Variants in ME1 observed in about 807,000 individuals in gnomAD.
ME1 encodes the protein malic enzyme 1.
In ME1, 74 loss-of-function variants were observed where a neutral mutation model predicts 66.4. That is an observed-to-expected ratio of 1.11 (90% CI 0.92 to 1.35). ME1 has a LOEUF of 1.35. Ranked by LOEUF, ME1 falls within the 40% of genes most tolerant of loss-of-function variation. ME1 has a pLI of 0.00. For missense variants in ME1, 750 were observed against 694.1 expected (o/e 1.08, Z -0.90); for synonymous variants, 251 against 235.6 (o/e 1.07, Z -0.60).
intron 4 of ME1, among the ~76,000 whole-genome samples, chr6:83,347,552 T>C (rs1401502822): frequency 7.2e-5 from 11 of 152,208 alleles, no homozygotes; most frequent in Non-Finnish European, 2.9e-5. Flanking sequence ...TCAGAGTAGC[T>C]GTATAAAATT....
At chr6:83,346,877 T>C (rs906303601) in intron 4 of ME1, among the ~76,000 whole-genome samples, 1 of 152,188 alleles carries the variant, frequency 6.6e-6, no homozygotes, top group Non-Finnish European at 1.5e-5. Context: ...CTGCTACTTC[T>C]TACCTGAAAA....
chr6:83,375,579 TTTTA>T (rs1309223812), intron 3 of ME1, among the ~76,000 whole-genome samples: 1 of 152,138 alleles, frequency 6.6e-6, no homozygotes, highest in African/African-American at 2.4e-5. Flanking sequence ...TCTGAATACC[TTTTA>T]TTTCTTTCTC....
Position 83,216,643 on chromosome 6 carries a change from C to A in ME1, c.1450-47G>T, listed in dbSNP as rs541632705. 5 of 1,290,718 alleles carry A rather than the reference C, an allele frequency of 3.9e-6. No homozygotes were observed. In the South Asian group the frequency reaches 5.1e-5, roughly 13 times the overall value. 80.0% of individuals were successfully genotyped at this position (1,290,718 alleles called of 1,614,324 possible). On this transcript the variant is annotated intron_variant, in intron 12 of 13. Transcript: ENST00000369705. ...AAAAGTGTTTATACTTCACACGATA[C>A]AATGTGGTGGGTACGCCAATAACTA...
intron 3 of ME1, among the ~76,000 whole-genome samples, chr6:83,394,592 G>A (rs1684772465): frequency 6.6e-6 from 1 of 152,192 alleles, no homozygotes; most frequent in African/African-American, 2.4e-5. Flanking sequence ...TATCAATACA[G>A]CTACATGGAA....
chr6:83,281,219 T>C (rs1767280526), intron 6 of ME1, among the ~76,000 whole-genome samples: 1 of 152,224 alleles, frequency 6.6e-6, no homozygotes, highest in Admixed American at 6.5e-5. Flanking sequence ...TAAAATTTCA[T>C]GGATGTTTAA....
At chr6:83,366,747 C>G (rs12524968) in intron 3 of ME1, among the ~76,000 whole-genome samples, 48,681 of 152,008 alleles carry the variant, frequency 0.32, 8,170 homozygotes, top group Middle Eastern at 0.5. Flanking sequence ...ACATAGATGG[C>G]TGCAGTTTCC....
intron 6 of ME1, among the ~76,000 whole-genome samples, chr6:83,296,871 G>A (rs988640210): frequency 6.6e-6 from 1 of 151,538 alleles, no homozygotes; most frequent in East Asian, 1.9e-4. Flanking sequence ...ACATCTTTAG[G>A]GTGTTCCAAC....
At chr6:83,231,137 T>C (rs1790300444) in intron 9 of ME1, among the ~76,000 whole-genome samples, 2 of 152,034 alleles carry the variant, frequency 1.3e-5, no homozygotes, top group Admixed American at 6.6e-5. Flanking sequence ...AGCTGAGATA[T>C]AATGAAAAAT....
At chr6:83,372,725 G>A (rs1769212370) in intron 3 of ME1, among the ~76,000 whole-genome samples, 1 of 152,170 alleles carries the variant, frequency 6.6e-6, no homozygotes, top group Admixed American at 6.6e-5. Context: ...ACTAGAATGA[G>A]GGTATTTTTA....
intron 3 of ME1, among the ~76,000 whole-genome samples, chr6:83,376,648 A>G (rs1274521376): frequency 6.8e-6 from 1 of 148,136 alleles, no homozygotes; most frequent in East Asian, 2.0e-4. Context: ...CAAAAAAAAA[A>G]AAAAATTAGC....
rs543321728 is a variant in ME1 at position 83,392,984 on chromosome 6, A to G, written c.362+5383T>C. On this transcript the variant is annotated intron_variant, in intron 3 of 13. Coordinates refer to ENST00000369705, the MANE Select transcript of ME1 (RefSeq NM_002395.6). Reference sequence around the variant, plus strand: ...AGACTATGGATGGCTCCTATGGGAAACTGTGGGGTGACGGCCATGGGGCTC... The same window carrying G: ...AGACTATGGATGGCTCCTATGGGAAGCTGTGGGGTGACGGCCATGGGGCTC... 12 of 892,714 alleles carry G rather than the reference A, an allele frequency of 1.3e-5. No individual in the cohort carries two copies. The East Asian group carries it at 2.9e-4, about 22-fold the overall frequency. 55.3% of individuals were successfully genotyped at this position (892,714 alleles called of 1,614,324 possible).
At chr6:83,232,850 A>G (rs1163277302) in intron 9 of ME1, among the ~76,000 whole-genome samples, 1 of 152,168 alleles carries the variant, frequency 6.6e-6, no homozygotes, top group African/African-American at 2.4e-5. Context: ...TTTATTGACC[A>G]TCTCTTTCTA....
At chr6:83,362,577 GCGCC>G (rs1295436990) in intron 3 of ME1, among the ~76,000 whole-genome samples, 1 of 152,206 alleles carries the variant, frequency 6.6e-6, no homozygotes, top group African/African-American at 2.4e-5. Context: ...CCACTGCTAA[GCGCC>G]CAATTTGCCA....
intron 3 of ME1, among the ~76,000 whole-genome samples, chr6:83,375,559 T>A (rs1769272656): frequency 6.6e-6 from 1 of 152,152 alleles, no homozygotes. Flanking sequence ...TTTGACTTCC[T>A]CTCTTCTTAT....
chr6:83,308,009 C>A (rs565936072), intron 6 of ME1, among the ~76,000 whole-genome samples: 31 of 152,256 alleles, frequency 2.0e-4, no homozygotes, highest in African/African-American at 7.0e-4. Context: ...GTTTCAGGCA[C>A]ACAGCCAAGA....
chr6:83,411,101 G>A (rs13196407), intron 1 of ME1, among the ~76,000 whole-genome samples: 38,977 of 152,160 alleles, frequency 0.26, 5,600 homozygotes, highest in Middle Eastern at 0.45. Context: ...CCTATGGGCC[G>A]GGCGTGGTGG....
At chr6:83,333,043 T>C (rs1768444759) in intron 5 of ME1, among the ~76,000 whole-genome samples, 1 of 152,218 alleles carries the variant, frequency 6.6e-6, no homozygotes, top group African/African-American at 2.4e-5. Context: ...AGTGTATCTT[T>C]ATGGCAAGTG....
At chr6:83,392,476 G>C (rs576684374) in intron 3 of ME1, 4 of 513,950 alleles carry the variant, frequency 7.8e-6, no homozygotes, top group East Asian at 5.2e-5. Context: ...GGTCACCAGG[G>C]CTGCTTTAAA....
intron 3 of ME1, 46 bp downstream of exon 3, chr6:83,398,314 CTTACAAA>C: frequency 7.7e-7 from 1 of 1,295,186 alleles, no homozygotes; most frequent in Non-Finnish European, 1.1e-6. Context: ...CGTTAAAAAA[CTTACAAA>C]AATAAATAAA....
Sources: allele counts gnomAD v4.1 joint callset (sites outside exome capture counted in the v4.1 genomes callset), GRCh38; gene constraint gnomAD v4.1.1; transcripts MANE v1.5; gene names NCBI Gene and HGNC (gene_info 2026-07-23, HGNC 2026-07-21).